The following RNF25 variants were observed in gnomAD, a reference collection of about 807,000 sequenced individuals.
RNF25 encodes the protein E3 ubiquitin-protein ligase RNF25.
RNF25 carries 32 observed loss-of-function variants against 65.0 expected under a neutral mutation model. That is an observed-to-expected ratio of 0.49 (90% confidence interval 0.37 to 0.66). The LOEUF is 0.66. Ranked by LOEUF, RNF25 falls within the 30% of genes least tolerant of loss-of-function variation. The probability of loss-of-function intolerance (pLI) is 0.00; values close to 1 mark genes in which losing one functional copy is unlikely to be tolerated. For synonymous variants in RNF25, 207 were observed against 221.2 expected (o/e 0.94, Z 0.57); for missense variants, 493 against 584.8 (o/e 0.84, Z 1.62).
intron 7 of RNF25, among the ~76,000 whole-genome samples, 195 bp from the exon 8 acceptor site, chr2:218,665,442 T>C (rs1939803236): frequency 1.3e-5 from 2 of 151,992 alleles, no homozygotes; most frequent in South Asian, 2.1e-4. Flanking sequence ...AATATGTAAG[T>C]GTATATAAGG....
In RNF25 at chr2:218,663,910, T is replaced by C. The variant is rs745439569; in HGVS notation, c.*47A>G. On this transcript the variant is annotated 3_prime_UTR_variant, in exon 10 of 10. Coordinates refer to ENST00000295704, the MANE Select transcript of RNF25 (RefSeq NM_022453.3). ...AGCCAAAGAAGGCCAAATATCTTTA[T>C]TGCCTCCCTCCCATCCCCAATTCCC... 3 of 1,374,956 alleles carry C rather than the reference T, an allele frequency of 2.2e-6. No individual in the cohort carries two copies. In the African/African-American group the frequency reaches 4.4e-5, roughly 20 times the overall value. 85.2% of individuals were successfully genotyped at this position (1,374,956 alleles called of 1,614,324 possible).
Position 218,668,678 on chromosome 2 carries a change from C to T in RNF25, c.43G>A (p.Val15Ile), listed in dbSNP as rs759336188. 6.2e-7 allele frequency: 1 copy of T among 1,604,678 alleles called. No homozygotes were observed. Among genetic ancestry groups the T allele is most frequent in the Non-Finnish European group, 8.5e-7 (1 of 1,171,930 alleles). ...ASAAAGEEDWVLPSEVEVLES... is the reference protein window; with the variant it reads ...ASAAAGEEDWILPSEVEVLES... The stretch of plus-strand genomic sequence containing the variant: ...AATACTTCAACTTCAGAGGGAAGGA[C>T]CCTAGAGAGACAGGAGTAGACTAAC... The change falls in exon 2 of 10, where the codon GTC becomes ATC. Residue 15 changes from valine (V) to isoleucine (I), a missense_variant and splice_region_variant. Around this residue, in one of 3 missense-constraint regions of RNF25, gnomAD observed 34 missense variants for 18.6 expected, o/e 1.83. Coordinates refer to ENST00000295704, the MANE Select transcript of RNF25 (RefSeq NM_022453.3).
intron 1 of RNF25, among the ~76,000 whole-genome samples, chr2:218,669,058 A>C (rs1442704825): frequency 6.6e-6 from 1 of 152,180 alleles, no homozygotes; most frequent in Non-Finnish European, 1.5e-5. Flanking sequence ...CATTAACGTT[A>C]CCAATATTAC....
intron 2 of RNF25, 120 bp from the exon 3 acceptor site, chr2:218,668,461 G>T: frequency 2.0e-6 from 2 of 987,666 alleles, no homozygotes; most frequent in Non-Finnish European, 1.6e-6. Context: ...TTCTTTTGGG[G>T]TAGGATTAAA....
chr2:218,671,877 G>T, intron 1 of RNF25, 53 bp downstream of exon 1: 1 of 1,604,838 alleles, frequency 6.2e-7, no homozygotes, highest in Non-Finnish European at 8.5e-7. Context: ...ACAGCTGCTA[G>T]GCCTCTGGAC....
Position 218,667,968 on chromosome 2 carries a change from G to A in RNF25, c.301C>T (p.Leu101=). The change falls in exon 5 of 10, where the codon CTG becomes TTG. Residue 101 remains leucine (L), a synonymous_variant. Transcript: ENST00000295704. ...AGCCCAGCCTTGGCCACGTGGCCCAGCACCTGTAAGATCCTGGAGGAAGAG... is the reference window on the plus strand; with the variant it reads ...AGCCCAGCCTTGGCCACGTGGCCCAACACCTGTAAGATCCTGGAGGAAGAG... The part of the protein sequence containing the change: ...DEQIHTILQV[L]GHVAKAGLGT... 6.2e-7 allele frequency: 1 copy of A among 1,614,224 alleles called. No homozygotes were observed. The highest frequency in any genetic ancestry group is 2.2e-5 in the East Asian group (1 of 44,892).
At chr2:218,669,965 C>T (rs762914820) in intron 1 of RNF25, among the ~76,000 whole-genome samples, 10 of 152,026 alleles carry the variant, frequency 6.6e-5, no homozygotes, top group Admixed American at 2.0e-4. Context: ...GTTATCCCAG[C>T]GCTTTGGGAG....
At position 218,664,103 on chromosome 2, in the gene RNF25, G is replaced by A. The variant is rs771875019; in HGVS notation, c.1234C>T (p.Arg412Cys). 44 of 1,523,006 alleles carry A rather than the reference G, an allele frequency of 2.9e-5. No homozygotes were observed. The highest frequency in any genetic ancestry group is 1.2e-4 in the South Asian group (9 of 75,442). The allele number at this position is 1,523,006 out of a possible 1,614,324, so 94.3% of individuals were successfully genotyped here. Residue 412 changes from arginine (R) to cysteine (C), a missense_variant, in exon 10 of 10, where the codon CGC becomes TGC. Arg to Cys is a radical substitution (Grantham distance 180). Coordinates refer to ENST00000295704, the MANE Select transcript of RNF25 (RefSeq NM_022453.3). The surrounding 1 kb of genome is among the most constrained non-coding windows in gnomAD (Gnocchi z 5.1). ...CAGCGAACACAGTCCCGAGTCCTGC[G>A]GGGTGGGGGCCCCTGCCAGCTGCCA... ...GPGSWQGPPP[R>C]RTRDCVRWER... is the part of the protein sequence containing the mutation.
rs1939888950 is a variant in RNF25 at position 218,668,687 on chromosome 2, G to C, written c.42-8C>G. ...ACTTCAGAGGGAAGGACCCTAGAGA[G>C]ACAGGAGTAGACTAACTTACCATTA... On this transcript the variant is annotated splice_region_variant and splice_polypyrimidine_tract_variant and intron_variant, in intron 1 of 9. Coordinates refer to ENST00000295704, the MANE Select transcript of RNF25 (RefSeq NM_022453.3). 1 of 1,576,524 alleles carries C rather than the reference G, an allele frequency of 6.3e-7. No homozygotes were observed. The highest frequency in any genetic ancestry group is 8.7e-7 in the Non-Finnish European group (1 of 1,146,830).
chr2:218,670,929 T>A (rs1939949550), intron 1 of RNF25, among the ~76,000 whole-genome samples: 1 of 152,148 alleles, frequency 6.6e-6, no homozygotes, highest in African/African-American at 2.4e-5. Flanking sequence ...TTCCAGCACC[T>A]TGGGAGGCTG....
chr2:218,664,993 A>AGACCT lies in RNF25; in HGVS notation c.667-121_667-120insAGGTC. On this transcript the variant is annotated intron_variant, in intron 8 of 9. Transcript: ENST00000295704. This position sits in a 1 kb window ranked among gnomAD's most constrained non-coding sequence, Gnocchi z 5.1. Reference sequence around the variant, plus strand: ...TTTTGCCCCTCAGGTCTGGGCTCCCAGAGTCTTAGGCTCCCGCCAGTGGGG... The same window carrying AGACCT: ...TTTTGCCCCTCAGGTCTGGGCTCCCAGACCTGAGTCTTAGGCTCCCGCCAGTGGGG... 1 of 1,497,608 alleles carries AGACCT rather than the reference A, an allele frequency of 6.7e-7. No homozygotes were observed. The highest frequency in any genetic ancestry group is 9.1e-7 in the Non-Finnish European group (1 of 1,100,696). The allele number at this position is 1,497,608 out of a possible 1,614,324, so 92.8% of individuals were successfully genotyped here.
At chr2:218,671,797 A>T in intron 1 of RNF25, 133 bp downstream of exon 1, 1 of 974,268 alleles carries the variant, frequency 1.0e-6, no homozygotes, top group Non-Finnish European at 1.5e-6. Context: ...GCTTTCCCAG[A>T]GATGTCAGCA....
chr2:218,666,311 T>C (rs1939826081), intron 5 of RNF25, 81 bp from the exon 6 acceptor site: 1 of 1,122,840 alleles, frequency 8.9e-7, no homozygotes, highest in African/African-American at 1.5e-5. Flanking sequence ...TAGGAGTGAC[T>C]GGCTAGACTT....
Position 218,664,743 on chromosome 2 carries a change from T to C in RNF25, c.797A>G (p.Gln266Arg). The change falls in exon 9 of 10, where the codon CAG (glutamine) becomes CGG (arginine). Residue 266 changes from glutamine (Q) to arginine (R), a missense_variant. Gln to Arg is a conservative substitution (Grantham distance 43). Transcript: ENST00000295704. This position sits in a 1 kb window ranked among gnomAD's most constrained non-coding sequence, Gnocchi z 5.1. ...ACTGGGAAGCCCTTCCCTCACCTGC[T>C]GAAGGCTGATGAAGTATCGGTTTCG... ...AERNRYFISL[Q>R]QPPAPAEPES... The C allele has an allele frequency of 6.2e-7, 1 of 1,614,230 alleles. No homozygotes were observed. The highest frequency in any genetic ancestry group is 8.5e-7 in the Non-Finnish European group (1 of 1,180,038).
chr2:218,669,746 C>T (rs747983550), intron 1 of RNF25, among the ~76,000 whole-genome samples: 10 of 152,218 alleles, frequency 6.6e-5, no homozygotes, highest in East Asian at 5.8e-4. Context: ...TGCCCCAGCA[C>T]GACCTATGTC....
Position 218,665,257 on chromosome 2 carries a change from A to C in RNF25, c.574-10T>G. 1.2e-6 allele frequency: 2 copies of C among 1,612,190 alleles called. No individual in the cohort carries two copies. The highest frequency in any genetic ancestry group is 1.7e-6 in the Non-Finnish European group (2 of 1,178,958). On this transcript the variant is annotated splice_polypyrimidine_tract_variant and intron_variant, in intron 7 of 9. Transcript: ENST00000295704. ...GCACACCGACTGCCTTCTAAAAAAGAGAAAAATCATATGCCTGTGTCACAG... is the reference window on the plus strand; with the variant it reads ...GCACACCGACTGCCTTCTAAAAAAGCGAAAAATCATATGCCTGTGTCACAG...
intron 1 of RNF25, among the ~76,000 whole-genome samples, chr2:218,669,956 T>C (rs1227789168): frequency 6.6e-6 from 1 of 152,064 alleles, no homozygotes; most frequent in Non-Finnish European, 1.5e-5. Flanking sequence ...AAACTGTAAG[T>C]TATCCCAGCG....
In RNF25 at chr2:218,664,769, C is replaced by G. The variant is rs763282557; in HGVS notation, c.771G>C (p.Glu257Asp). 2.5e-6 allele frequency: 4 copies of G among 1,614,146 alleles called. No homozygotes were observed. In the Admixed American group the frequency reaches 6.7e-5, roughly 27 times the overall value. The change falls in exon 9 of 10, where the codon GAG (glutamate) becomes GAC (aspartate). Residue 257 changes from glutamate to aspartate, a missense_variant. By Grantham distance (45) the Glu-to-Asp change is conservative. This residue lies in a region of RNF25 where 351 missense variants were observed against 400.2 expected (regional missense o/e 0.88). Coordinates refer to ENST00000295704, the MANE Select transcript of RNF25 (RefSeq NM_022453.3). The surrounding 1 kb of genome is among the most constrained non-coding windows in gnomAD (Gnocchi z 5.1). ...ERGGIIDLEAERNRYFISLQQ... is the reference protein window; with the variant it reads ...ERGGIIDLEADRNRYFISLQQ... ...GAAGGCTGATGAAGTATCGGTTTCGCTCAGCCTCAAGGTCAATGATTCCCC... is the reference window on the plus strand; with the variant it reads ...GAAGGCTGATGAAGTATCGGTTTCGGTCAGCCTCAAGGTCAATGATTCCCC...
In RNF25 at chr2:218,664,605, CCTA is replaced by C. The variant is rs1343169046; in HGVS notation, c.802-73_802-71del. 7.0e-6 allele frequency: 11 copies of C among 1,575,438 alleles called. No individual in the cohort carries two copies. The African/African-American group carries it at 1.3e-4, about 19-fold the overall frequency. Reference sequence around the variant, plus strand: ...AAGGTGGGGAACTACAGGCCCCTCTCCTACTATCTGGGCTGACCACGATCAGCC... The same window carrying C: ...AAGGTGGGGAACTACAGGCCCCTCTCCTATCTGGGCTGACCACGATCAGCC... On this transcript the variant is annotated intron_variant, in intron 9 of 9. Coordinates refer to ENST00000295704, the MANE Select transcript of RNF25 (RefSeq NM_022453.3). This position sits in a 1 kb window ranked among gnomAD's most constrained non-coding sequence, Gnocchi z 5.1.
Sources: allele counts gnomAD v4.1 joint callset (sites outside exome capture counted in the v4.1 genomes callset), GRCh38; gene constraint gnomAD v4.1.1; regional missense constraint gnomAD v4.1.1; non-coding constraint Gnocchi (gnomAD v3.1); transcripts MANE v1.5; gene names NCBI Gene and HGNC (gene_info 2026-07-23, HGNC 2026-07-21).